The following B3GLCT variants were observed in gnomAD, a reference collection of about 807,000 sequenced individuals.
The protein encoded by B3GLCT is beta-1,3-glucosyltransferase.
B3GLCT carries 65 observed loss-of-function variants against 63.4 expected under a neutral mutation model. The observed-to-expected ratio is 1.03, with a 90% CI of 0.84 to 1.26. The LOEUF is 1.26. Ranked by LOEUF, B3GLCT falls within the 50% of genes most tolerant of loss-of-function variation. The probability of loss-of-function intolerance (pLI) is 0.00; values close to 1 mark genes in which losing one functional copy is unlikely to be tolerated. For missense variants in B3GLCT, 577 were observed against 604.8 expected (o/e 0.95, Z 0.48); for synonymous variants, 233 against 219.2 (o/e 1.06, Z -0.55).
chr13:31,257,887 G>A (rs1871818704), intron 6 of B3GLCT, among the ~76,000 whole-genome samples: 1 of 152,194 alleles, frequency 6.6e-6, no homozygotes, highest in South Asian at 2.1e-4. Context: ...CATGTTAGGT[G>A]TACTGGAGAT....
intron 8 of B3GLCT, among the ~76,000 whole-genome samples, chr13:31,273,341 G>A (rs552057260): frequency 1.4e-4 from 22 of 152,164 alleles, no homozygotes; most frequent in African/African-American, 2.2e-4. Context: ...CGATCTGCCC[G>A]CCTCAGCCTC....
At chr13:31,200,559 C>T (rs1018338340) in intron 1 of B3GLCT, among the ~76,000 whole-genome samples, 20 of 150,940 alleles carry the variant, frequency 1.3e-4, no homozygotes, top group African/African-American at 4.3e-4. Flanking sequence ...CGGCGGCGGT[C>T]CCGCCCCCCT....
At chr13:31,244,047 GA>G (rs1449402299) in intron 4 of B3GLCT, among the ~76,000 whole-genome samples, 1 of 152,226 alleles carries the variant, frequency 6.6e-6, no homozygotes, top group Non-Finnish European at 1.5e-5. Context: ...GCATCATTTA[GA>G]TTGACGACAG....
intron 6 of B3GLCT, among the ~76,000 whole-genome samples, chr13:31,251,552 C>T (rs1003692635): frequency 6.6e-6 from 1 of 152,146 alleles, no homozygotes; most frequent in Non-Finnish European, 1.5e-5. Flanking sequence ...AAACACAGCA[C>T]AAGCACTTTG....
At chr13:31,230,501 T>A (rs1870322682) in intron 4 of B3GLCT, among the ~76,000 whole-genome samples, 1 of 152,212 alleles carries the variant, frequency 6.6e-6, no homozygotes, top group Admixed American at 6.5e-5. Context: ...TTAACAGTAT[T>A]CAAGGCAAGG....
rs529626793 is a variant in B3GLCT at position 31,290,145 on chromosome 13, G to T, written c.1064+3326G>T. On this transcript the variant is annotated intron_variant, in intron 12 of 14. Transcript: ENST00000343307. ...TGGTTTTCTGTTCCTGTATTAGTTT[G>T]CTGAGAATGATGGTTTCCAGATTCA... Among the ~76,000 whole-genome samples the T allele has an allele frequency of 2.0e-5, 3 of 152,200 alleles. No individual in the cohort carries two copies. The South Asian group carries it at 6.2e-4, about 32-fold the overall frequency.
chr13:31,291,677 A>G (rs531122165), intron 12 of B3GLCT, among the ~76,000 whole-genome samples: 1 of 152,246 alleles, frequency 6.6e-6, no homozygotes, highest in African/African-American at 2.4e-5. Flanking sequence ...GTATCCTGAG[A>G]CTTTGCTGAA....
At chr13:31,309,680 G>T (rs1874601268) in intron 12 of B3GLCT, among the ~76,000 whole-genome samples, 1 of 152,066 alleles carries the variant, frequency 6.6e-6, no homozygotes, top group Non-Finnish European at 1.5e-5. Flanking sequence ...GAGCTTCCTT[G>T]CCCCACTTGG....
chr13:31,209,834 T>A (rs1349901157), intron 1 of B3GLCT, among the ~76,000 whole-genome samples: 1 of 152,232 alleles, frequency 6.6e-6, no homozygotes, highest in Non-Finnish European at 1.5e-5. Flanking sequence ...GGTTTTCTTG[T>A]TTTTACTGTT....
At chr13:31,283,088 C>T (rs572796990) in intron 10 of B3GLCT, 5 of 152,280 alleles carry the variant, frequency 3.3e-5, no homozygotes, top group East Asian at 1.9e-4. Context: ...AAGAAACACC[C>T]GTGTTCTTTA....
chr13:31,277,567 A>G (rs1872858767), intron 10 of B3GLCT, among the ~76,000 whole-genome samples: 1 of 152,170 alleles, frequency 6.6e-6, no homozygotes, highest in South Asian at 2.1e-4. Context: ...AGGATGTGGT[A>G]TTTATGTAGG....
intron 12 of B3GLCT, among the ~76,000 whole-genome samples, chr13:31,297,037 T>C (rs1873981442): frequency 6.6e-6 from 1 of 152,156 alleles, no homozygotes; most frequent in Middle Eastern, 3.4e-3. Context: ...TTTTTTTTTT[T>C]GTGACTTGCT....
rs1203240275 is a variant in B3GLCT, at chr13:31,284,757, T to A, written c.960T>A (p.Asp320Glu). The change falls in exon 11 of 15, where the codon GAT becomes GAA. Residue 320 changes from aspartate (D) to glutamate (E), a missense_variant. Asp to Glu is a conservative substitution (Grantham distance 45). Coordinates refer to ENST00000343307, the MANE Select transcript of B3GLCT (RefSeq NM_194318.4). ...TGGATTTGGGAATTCCTAATACAGA[T>A]AGAGGTGAGTCATAATTCTTACTAC... Reference protein sequence around the residue: ...PTVDLGIPNTDRGHCGKTFAI... With the variant: ...PTVDLGIPNTERGHCGKTFAI... The A allele has an allele frequency of 6.8e-7, 1 of 1,470,846 alleles. No homozygotes were observed. The highest frequency in any genetic ancestry group is 1.1e-5 in the South Asian group (1 of 88,086). The allele number at this position is 1,470,846 out of a possible 1,614,324, so 91.1% of individuals were successfully genotyped here.
At chr13:31,304,136 T>C (rs941035438) in intron 12 of B3GLCT, among the ~76,000 whole-genome samples, 38 of 103,408 alleles carry the variant, frequency 3.7e-4, no homozygotes, top group Admixed American at 2.1e-4. Flanking sequence ...CTGAGAGATT[T>C]TGTCGCCACC....
At chr13:31,311,362 A>G (rs1447314860) in intron 12 of B3GLCT, 1 of 152,372 alleles carries the variant, frequency 6.6e-6, no homozygotes, top group Non-Finnish European at 1.5e-5. Context: ...AAACACAGCA[A>G]GGAAATCCTG....
rs1555243809 is a variant in B3GLCT, at chr13:31,208,631, C to CG, written c.71-6419dup. On this transcript the variant is annotated intron_variant, in intron 1 of 14. Transcript: ENST00000343307. ...TGCTTCTTTAGTGGCCCCCCCCCCC[C>CG]GCTCACTGCCACCTTCATTGAGGCC... Among the ~76,000 whole-genome samples the CG allele has an allele frequency of 8.8e-4, 117 of 133,488 alleles. 1 individual carries two copies. The highest frequency in any genetic ancestry group is 3.9e-3 in the Middle Eastern group (1 of 258). The allele number at this position is 133,488 out of a possible 152,430, so 87.6% of individuals were successfully genotyped here. A position where few individuals can be genotyped will look rare whatever the true frequency, so the allele number is the denominator to read the frequency against.
chr13:31,239,796 T>C (rs1158401334), intron 4 of B3GLCT, among the ~76,000 whole-genome samples: 1 of 152,032 alleles, frequency 6.6e-6, no homozygotes, highest in Non-Finnish European at 1.5e-5. Context: ...CTAAAACCAT[T>C]GTTGTTCTCC....
intron 6 of B3GLCT, among the ~76,000 whole-genome samples, chr13:31,256,128 A>T (rs1323763601): frequency 2.6e-5 from 4 of 152,250 alleles, no homozygotes; most frequent in Non-Finnish European, 5.9e-5. Flanking sequence ...TAGGCAGAGG[A>T]TGTGAACAGA....
chr13:31,236,925 A>G (rs780466765), intron 4 of B3GLCT, among the ~76,000 whole-genome samples: 179 of 152,220 alleles, frequency 1.2e-3, no homozygotes, highest in African/African-American at 4.2e-3. Flanking sequence ...TCTGGAGTTC[A>G]AGACCAGCCT....
Sources: allele counts gnomAD v4.1 joint callset (sites outside exome capture counted in the v4.1 genomes callset), GRCh38; gene constraint gnomAD v4.1.1; transcripts MANE v1.5; gene names NCBI Gene and HGNC (gene_info 2026-07-23, HGNC 2026-07-21).